Variants in ADAMTS20 observed in about 807,000 individuals in gnomAD.
ADAMTS20 encodes A disintegrin and metalloproteinase with thrombospondin motifs 20.
A neutral mutation model predicts 260.1 loss-of-function variants in ADAMTS20; 225 were observed. The ratio of observed to expected loss-of-function variants is 0.87; its 90% CI spans 0.78 to 0.97. The LOEUF (loss-of-function observed/expected upper bound fraction) is 0.97. ADAMTS20 is among the 50% of genes least tolerant of loss of function. ADAMTS20 has a pLI of 0.00. For missense variants in ADAMTS20, 2,400 were observed against 2,337.7 expected, an observed-to-expected ratio of 1.03 and a Z score of -0.55; for synonymous variants, 802 against 769.5, an observed-to-expected ratio of 1.04 and a Z score of -0.70.
intron 28 of ADAMTS20, among the ~76,000 whole-genome samples, chr12:43,400,693 A>G (rs1265599840): frequency 6.6e-6 from 1 of 151,766 alleles, no homozygotes; most frequent in Admixed American, 6.6e-5. Context: ...TATTTTTCAG[A>G]GTATAACCTA....
chr12:43,501,055 C>CTTTT lies in ADAMTS20; in HGVS notation c.867+1093_867+1096dup, dbSNP rs79075751. Among the ~76,000 whole-genome samples the CTTTT allele has an allele frequency of 2.6e-3, 275 of 104,840 alleles. 21 individuals are homozygous for CTTTT. Among genetic ancestry groups the CTTTT allele is most frequent in the African/African-American group, 7.8e-3 (224 of 28,610 alleles). 68.8% of individuals were successfully genotyped at this position (104,840 alleles called of 152,430 possible). ...TCTATAAATAGGTGGCTATGTAATT[C>CTTTT]TTTTTTTTTTTTTTTTTTTTGAGTC... On this transcript the variant is annotated intron_variant, in intron 4 of 38. Coordinates refer to ENST00000389420, the MANE Select transcript of ADAMTS20 (RefSeq NM_025003.5).
rs79503088 is a variant in ADAMTS20 at position 43,369,748 on chromosome 12, A to C, written c.5447-367T>G. ...AGAAAAAAGGGTTATGTAAACATAA[A>C]TGACAAAACAATAAAATTGAATGCT... is the stretch of plus-strand genomic sequence containing the variant. On this transcript the variant is annotated intron_variant, in intron 36 of 38. Coordinates refer to ENST00000389420, the MANE Select transcript of ADAMTS20 (RefSeq NM_025003.5). Among the ~76,000 whole-genome samples the C allele has an allele frequency of 9.2e-5, 14 of 152,314 alleles. No individual in the cohort carries two copies. The East Asian group carries it at 2.7e-3, about 29-fold the overall frequency.
intron 3 of ADAMTS20, among the ~76,000 whole-genome samples, chr12:43,504,331 C>T (rs1942811350): frequency 6.6e-6 from 1 of 152,192 alleles, no homozygotes; most frequent in African/African-American, 2.4e-5. Flanking sequence ...GGCATTTCTT[C>T]ATATGTTTGT....
intron 3 of ADAMTS20, among the ~76,000 whole-genome samples, chr12:43,515,975 CT>C (rs1480881740): frequency 6.6e-6 from 1 of 152,082 alleles, no homozygotes; most frequent in African/African-American, 2.4e-5. Context: ...CTGGATACAA[CT>C]GAATACATGC....
intron 37 of ADAMTS20, among the ~76,000 whole-genome samples, chr12:43,357,833 A>C (rs1197756644): frequency 6.6e-6 from 1 of 152,190 alleles, no homozygotes. Context: ...ATAAAAGTAA[A>C]TACACAAATA....
chr12:43,507,707 A>C (rs1942866050), intron 3 of ADAMTS20, among the ~76,000 whole-genome samples: 1 of 152,198 alleles, frequency 6.6e-6, no homozygotes, highest in African/African-American at 2.4e-5. Context: ...TGCAAACTAA[A>C]ATAATGAAAG....
intron 7 of ADAMTS20, among the ~76,000 whole-genome samples, chr12:43,488,058 T>C (rs1382277004): frequency 6.6e-6 from 1 of 152,182 alleles, no homozygotes; most frequent in Non-Finnish European, 1.5e-5. Context: ...CAGTTGTTTA[T>C]TTTGAGGGTT....
intron 36 of ADAMTS20, among the ~76,000 whole-genome samples, chr12:43,373,927 C>T (rs1051281726): frequency 6.6e-6 from 1 of 151,902 alleles, no homozygotes; most frequent in Non-Finnish European, 1.5e-5. Flanking sequence ...GATCCGCCCG[C>T]CTCGGCCTCC....
chr12:43,410,693 G>A (rs540418712), intron 28 of ADAMTS20, among the ~76,000 whole-genome samples: 1 of 152,316 alleles, frequency 6.6e-6, no homozygotes, highest in African/African-American at 2.4e-5. Flanking sequence ...AAGGATTAGA[G>A]ATTACTTCTA....
intron 2 of ADAMTS20, among the ~76,000 whole-genome samples, chr12:43,535,699 A>G (rs1243347675): frequency 2.6e-5 from 4 of 152,200 alleles, no homozygotes; most frequent in African/African-American, 9.6e-5. Flanking sequence ...AACTTTTTTT[A>G]ATATCTTGAT....
chr12:43,513,873 G>T (rs1240707971), intron 3 of ADAMTS20, among the ~76,000 whole-genome samples: 1 of 147,236 alleles, frequency 6.8e-6, no homozygotes, highest in African/African-American at 2.5e-5. Flanking sequence ...AGAACACATA[G>T]ACACAGGAAG....
At chr12:43,459,119 A>C (rs1032541945) in intron 11 of ADAMTS20, among the ~76,000 whole-genome samples, 4 of 151,852 alleles carry the variant, frequency 2.6e-5, no homozygotes, top group Non-Finnish European at 4.4e-5. Context: ...TTGCAGCTGC[A>C]CTCTTCTGGT....
At chr12:43,529,396 C>G (rs1180152826) in intron 3 of ADAMTS20, among the ~76,000 whole-genome samples, 1 of 152,064 alleles carries the variant, frequency 6.6e-6, no homozygotes, top group South Asian at 2.1e-4. Flanking sequence ...AGATATGAAA[C>G]CAACCTACGT....
rs1565570719 is a variant in ADAMTS20, at chr12:43,492,464, AGTAAAGGATTGTATGGGAAGG to A, written c.1076+20_1076+40del. On this transcript the variant is annotated intron_variant, in intron 6 of 38. Coordinates refer to ENST00000389420, the MANE Select transcript of ADAMTS20 (RefSeq NM_025003.5). ...AAGTATCAGTCATGCAGGAGGGAAG[AGTAAAGGATTGTATGGGAAGG>A]GTTATTTCTATAATCATACCTAGTG... 6.3e-7 allele frequency: 1 copy of A among 1,597,088 alleles called. No homozygotes were observed. Among genetic ancestry groups the A allele is most frequent in the South Asian group, 1.1e-5 (1 of 89,754 alleles).
At chr12:43,397,985 A>G (rs1332890849) in intron 29 of ADAMTS20, among the ~76,000 whole-genome samples, 1 of 152,174 alleles carries the variant, frequency 6.6e-6, no homozygotes, top group Non-Finnish European at 1.5e-5. Context: ...GAGAATGATG[A>G]TGACTTTTGA....
At chr12:43,411,032 G>A (rs142145368) in intron 28 of ADAMTS20, among the ~76,000 whole-genome samples, 3,475 of 152,032 alleles carry the variant, frequency 0.023, 57 homozygotes, top group African/African-American at 0.033. Context: ...AAAAGAGAGG[G>A]AAAAACATAT....
chr12:43,415,047 T>G (rs902242325), intron 28 of ADAMTS20, among the ~76,000 whole-genome samples: 1 of 152,190 alleles, frequency 6.6e-6, no homozygotes, highest in African/African-American at 2.4e-5. Flanking sequence ...GTACTAGGAT[T>G]GCAATGGGAA....
rs757129815 is a variant in ADAMTS20 at position 43,492,609 on chromosome 12, A to C, written c.972T>G (p.Phe324Leu). ...HREEEGPVIN[F>L]DGATTLKNFC... ...AGTTCTTTAATGTGGTAGCACCATC[A>C]AAATTAATGACTGGTCCTTCCTATG... The change falls in exon 6 of 39, where the codon TTT (phenylalanine) becomes TTG (leucine). Residue 324 changes from phenylalanine (F) to leucine (L), a missense_variant. Transcript: ENST00000389420. 1.2e-6 allele frequency: 2 copies of C among 1,613,846 alleles called. No individual in the cohort carries two copies. The highest frequency in any genetic ancestry group is 4.5e-5 in the East Asian group (2 of 44,842).
At chr12:43,467,111 T>C (rs561724821) in intron 8 of ADAMTS20, among the ~76,000 whole-genome samples, 2 of 152,160 alleles carry the variant, frequency 1.3e-5, no homozygotes, top group East Asian at 3.9e-4. Context: ...GGATATCCCA[T>C]GTTGTGGATA....
Sources: allele counts gnomAD v4.1 joint callset (sites outside exome capture counted in the v4.1 genomes callset), GRCh38; gene constraint gnomAD v4.1.1; transcripts MANE v1.5; gene names NCBI Gene and HGNC (gene_info 2026-07-23, HGNC 2026-07-21).